Variants in PCBP3 observed in about 807,000 individuals in gnomAD.
PCBP3 encodes poly(rC)-binding protein 3.
A neutral mutation model predicts 52.7 loss-of-function variants in PCBP3; 25 were observed. The observed-to-expected ratio is 0.47, with a 90% CI of 0.35 to 0.66. The LOEUF (loss-of-function observed/expected upper bound fraction) is 0.66. PCBP3 is among the 30% of genes least tolerant of loss of function. PCBP3 has a pLI of 0.01. For synonymous variants in PCBP3, 162 were observed against 183.0 expected, an observed-to-expected ratio of 0.89 and a Z score of 0.93; for missense variants, 391 against 490.3, an observed-to-expected ratio of 0.80 and a Z score of 1.91.
Position 45,893,655 on chromosome 21 carries a change from T to G in PCBP3, c.11-2553T>G, listed in dbSNP as rs1213503964. 2.2e-5 allele frequency: 15 copies of G among 693,566 alleles called. No individual in the cohort carries two copies. In the Admixed American group the frequency reaches 1.4e-3, roughly 66 times the overall value. 43.0% of individuals were successfully genotyped at this position (693,566 alleles called of 1,614,324 possible). The stretch of plus-strand genomic sequence containing the variant: ...GGGGACCCAGGCCCTCACGGATGAC[T>G]GTGCCTGTCCCTTCTCCCTGTCCCA... On this transcript the variant is annotated intron_variant, in intron 5 of 17. Coordinates refer to ENST00000681687, the MANE Select transcript of PCBP3 (RefSeq NM_001384156.1).
chr21:45,785,400 C>T lies in PCBP3; in HGVS notation c.-126+29948C>T, dbSNP rs1270536260. ...CCGGGAGGTGAGGGGCGCCTCTGCC[C>T]GGCCACCCCTACTGGGAAGTGAGGA... On this transcript the variant is annotated intron_variant, in intron 4 of 17. Transcript: ENST00000681687. Among the ~76,000 whole-genome samples the T allele has an allele frequency of 3.3e-5, 5 of 150,838 alleles. No individual in the cohort carries two copies. In the East Asian group the frequency reaches 5.9e-4, roughly 18 times the overall value.
intron 2 of PCBP3, among the ~76,000 whole-genome samples, chr21:45,709,751 T>A (rs1030668800): frequency 5.3e-5 from 8 of 152,188 alleles, no homozygotes; most frequent in Non-Finnish European, 1.0e-4. Flanking sequence ...AGTCCATACT[T>A]CAGATTTCTT....
intron 1 of PCBP3, 74 bp downstream of exon 1, chr21:45,643,942 G>A (rs1462385326): frequency 6.7e-6 from 1 of 149,000 alleles, no homozygotes; most frequent in African/African-American, 2.4e-5. Context: ...CCCGACGGAG[G>A]CCGAGTGACG....
At chr21:45,915,506 CAT>C (rs775991844) in intron 12 of PCBP3, 1 of 152,288 alleles carries the variant, frequency 6.6e-6, no homozygotes, top group East Asian at 1.9e-4. Flanking sequence ...TATACAAACA[CAT>C]GTGGGGTCTT....
At chr21:45,765,374 TC>T (rs1366277904) in intron 4 of PCBP3, among the ~76,000 whole-genome samples, 3 of 152,218 alleles carry the variant, frequency 2.0e-5, no homozygotes, top group Non-Finnish European at 4.4e-5. Context: ...ATTTTTTGTT[TC>T]ATAAAAATTA....
chr21:45,869,809 C>A (rs1380631670), intron 5 of PCBP3, among the ~76,000 whole-genome samples: 5 of 152,252 alleles, frequency 3.3e-5, no homozygotes, highest in African/African-American at 1.2e-4. Context: ...TGGATCCCTG[C>A]AGCCCTGATC....
intron 2 of PCBP3, among the ~76,000 whole-genome samples, chr21:45,671,069 C>G (rs1006693126): frequency 2.0e-5 from 3 of 152,208 alleles, no homozygotes; most frequent in Non-Finnish European, 4.4e-5. Flanking sequence ...TTCATACTTT[C>G]CACTGGCAAG....
intron 13 of PCBP3, among the ~76,000 whole-genome samples, chr21:45,919,756 A>G (rs1285017243): frequency 6.6e-6 from 1 of 152,192 alleles, no homozygotes; most frequent in Non-Finnish European, 1.5e-5. Flanking sequence ...CACACACCGG[A>G]AGGCACTGTT....
At chr21:45,707,848 A>G (rs114343405) in intron 2 of PCBP3, among the ~76,000 whole-genome samples, 3,551 of 152,284 alleles carry the variant, frequency 0.023, 141 homozygotes, top group African/African-American at 0.081. Flanking sequence ...GGAAGTGTCA[A>G]GACCCCACGC....
At position 45,929,985 on chromosome 21, in the gene PCBP3, C is replaced by A; in HGVS notation, c.786C>A (p.Pro262=). 1.2e-6 allele frequency: 2 copies of A among 1,612,678 alleles called. No individual in the cohort carries two copies. The highest frequency in any genetic ancestry group is 1.7e-6 in the Non-Finnish European group (2 of 1,178,834). Residue 262 remains proline, a synonymous_variant, in exon 14 of 18, where the codon CCC becomes CCA. Transcript: ENST00000681687. ...TTCCTCCCCTCGGACAGACCAACCC[C>A]GCTTTCCCCGGTACGTACCCAGCCC... ...TPFPPLGQTN[P]AFPGEKLPLH...
At chr21:45,764,157 T>G (rs1437851100) in intron 4 of PCBP3, among the ~76,000 whole-genome samples, 1 of 151,734 alleles carries the variant, frequency 6.6e-6, no homozygotes, top group East Asian at 1.9e-4. Flanking sequence ...AGTTTTGCTC[T>G]TGTTGCCTGG....
intron 5 of PCBP3, among the ~76,000 whole-genome samples, chr21:45,861,670 C>T (rs55856400): frequency 0.14 from 20,959 of 152,200 alleles, 1,608 homozygotes; most frequent in Middle Eastern, 0.28. Context: ...CAGACCGCAC[C>T]GAGGGCAGAG....
chr21:45,668,247 G>T (rs1168718874), intron 1 of PCBP3, among the ~76,000 whole-genome samples: 1 of 151,990 alleles, frequency 6.6e-6, no homozygotes, highest in South Asian at 2.1e-4. Flanking sequence ...TACCCTGTGG[G>T]CATCTCATTC....
At chr21:45,668,396 C>T (rs983590763) in intron 1 of PCBP3, among the ~76,000 whole-genome samples, 8 of 152,184 alleles carry the variant, frequency 5.3e-5, no homozygotes, top group South Asian at 2.1e-4. Context: ...CAGTGAGCTC[C>T]GTGTCAGGTC....
rs190631939 is a variant in PCBP3 at position 45,844,208 on chromosome 21, G to A, written c.-125-5753G>A. Among the ~76,000 whole-genome samples the A allele has an allele frequency of 3.0e-3, 460 of 152,050 alleles. 1 individual carries two copies. The highest frequency in any genetic ancestry group is 0.01 in the African/African-American group (420 of 41,480). ...CAGCTCCAAGGCTGCCCTTTGAGCC[G>A]GACGATTGACCCACTGCATTAGGAA... On this transcript the variant is annotated intron_variant, in intron 4 of 17. Coordinates refer to ENST00000681687, the MANE Select transcript of PCBP3 (RefSeq NM_001384156.1).
intron 4 of PCBP3, among the ~76,000 whole-genome samples, chr21:45,789,667 A>G (rs185532622): frequency 1.7e-3 from 259 of 152,318 alleles, no homozygotes; most frequent in African/African-American, 6.1e-3. Flanking sequence ...GCTGAGTTCC[A>G]GGAGGTGAGG....
chr21:45,861,507 C>G (rs1444691304), intron 5 of PCBP3, among the ~76,000 whole-genome samples: 1 of 152,196 alleles, frequency 6.6e-6, no homozygotes, highest in East Asian at 1.9e-4. Context: ...TGCCATTGTT[C>G]TCCCCATCCG....
At chr21:45,796,619 A>G (rs1463869311) in intron 4 of PCBP3, among the ~76,000 whole-genome samples, 4 of 151,888 alleles carry the variant, frequency 2.6e-5, no homozygotes, top group African/African-American at 7.3e-5. Context: ...CATATTTTCT[A>G]GTTCTGTGAC....
rs2093333202 is a variant in PCBP3, at chr21:45,827,279, C to T, written c.-125-22682C>T. Among the ~76,000 whole-genome samples, 1 of 152,152 alleles carries T rather than the reference C, an allele frequency of 6.6e-6. No individual in the cohort carries two copies. Among genetic ancestry groups the T allele is most frequent in the Admixed American group, 6.5e-5 (1 of 15,284 alleles). ...GCAATGAGGCAGCACACCTCTGCCC[C>T]CGCTGCGATGGTGTCGGAGGAGGCC... On this transcript the variant is annotated intron_variant, in intron 4 of 17. Transcript: ENST00000681687. This position sits in a 1 kb window ranked among gnomAD's most constrained non-coding sequence, Gnocchi z 4.3.
Sources: gnomAD v4.1 joint callset for allele counts (sites outside exome capture counted in the v4.1 genomes callset) on GRCh38, gnomAD v4.1.1 for gene constraint, Gnocchi (gnomAD v3.1) non-coding constraint, MANE v1.5 for transcripts, NCBI Gene and HGNC (gene_info 2026-07-23, HGNC 2026-07-21) for gene names.